ABCC3: variants seen among roughly 807,000 people sequenced by gnomAD.
ABCC3 encodes the protein ATP binding cassette subfamily C member 3.
A neutral mutation model predicts 165.3 loss-of-function variants in ABCC3; 121 were observed. The ratio of observed to expected loss-of-function variants is 0.73; its 90% CI spans 0.63 to 0.85. ABCC3 has a LOEUF of 0.85. ABCC3 is among the 40% of genes least tolerant of loss of function. ABCC3 has a pLI of 0.00. For missense variants in ABCC3, 1,869 were observed against 1,964.1 expected (o/e 0.95, Z 0.92); for synonymous variants, 733 against 810.1 (o/e 0.90, Z 1.62).
chr17:50,643,950 T>G (rs1966940391), intron 1 of ABCC3, among the ~76,000 whole-genome samples: 2 of 151,978 alleles, frequency 1.3e-5, no homozygotes, highest in Admixed American at 1.3e-4. Flanking sequence ...AAAGCTGTAT[T>G]TTGGGAAGAG....
intron 1 of ABCC3, among the ~76,000 whole-genome samples, chr17:50,655,530 G>A (rs531113862): frequency 6.6e-6 from 1 of 152,096 alleles, no homozygotes; most frequent in East Asian, 1.9e-4. Context: ...TTTTGCAGGT[G>A]TATACAACTG....
chr17:50,644,427 C>T (rs1466295289), intron 1 of ABCC3, among the ~76,000 whole-genome samples: 3 of 149,192 alleles, frequency 2.0e-5, no homozygotes, highest in Non-Finnish European at 4.5e-5. Flanking sequence ...GATGCTAGAA[C>T]TTGGCCAGGC....
intron 1 of ABCC3, among the ~76,000 whole-genome samples, chr17:50,653,704 G>A (rs1967161524): frequency 6.7e-6 from 1 of 149,998 alleles, no homozygotes; most frequent in Admixed American, 6.7e-5. Flanking sequence ...AGTGAGCCAA[G>A]ATCACACCAT....
intron 11 of ABCC3, 108 bp downstream of exon 11, chr17:50,665,353 T>C: frequency 3.2e-6 from 3 of 925,722 alleles, no homozygotes; most frequent in South Asian, 2.8e-5. Context: ...TTCCTGAGTA[T>C]GGATGGCTAC....
In ABCC3 at chr17:50,663,723, G is replaced by A. The variant is rs2146614992; in HGVS notation, c.1041G>A (p.Trp347Ter). Residue 347 changes from tryptophan (W) to a stop codon, truncating the protein, a stop_gained, in exon 9 of 31, where the codon TGG (tryptophan) becomes TGA (stop). Coordinates refer to ENST00000285238, the MANE Select transcript of ABCC3 (RefSeq NM_003786.4). LOFTEE classifies it high-confidence loss of function. ...RFISNPMAPSWWGFLVAGLMF... is the reference protein window; with the variant it reads ...RFISNPMAPS ...TCTCCAACCCCATGGCCCCCTCCTG[G>A]TGGGGCTTCCTGGTGGCTGGGCTGA... 1 of 1,614,212 alleles carries A rather than the reference G, an allele frequency of 6.2e-7. No homozygotes were observed. Among genetic ancestry groups the A allele is most frequent in the South Asian group, 1.1e-5 (1 of 91,090 alleles).
At chr17:50,672,885 AT>A in intron 17 of ABCC3, 85 bp from the exon 18 acceptor site, 2 of 1,308,004 alleles carry the variant, frequency 1.5e-6, no homozygotes, top group South Asian at 1.4e-5. Context: ...AAAAAAAAAA[AT>A]CTGCCATCCC....
intron 18 of ABCC3, 62 bp from the exon 19 acceptor site, chr17:50,673,407 G>A (rs922619527): frequency 1.6e-5 from 25 of 1,574,204 alleles, no homozygotes; most frequent in Admixed American, 6.9e-5. Context: ...CTGTGGCTCC[G>A]TGCCTGTGCC....
chr17:50,677,998 C>G (rs1967858117), intron 24 of ABCC3, 55 bp downstream of exon 24: 1 of 1,613,922 alleles, frequency 6.2e-7, no homozygotes, highest in Non-Finnish European at 8.5e-7. Context: ...AGCAGGCTCT[C>G]TGGTGTTCAG....
Position 50,660,924 on chromosome 17 carries a change from C to T in ABCC3, c.808C>T (p.His270Tyr). Residue 270 changes from histidine to tyrosine, a missense_variant and splice_region_variant, in exon 8 of 31, where the codon CAC becomes TAC. Transcript: ENST00000285238. The part of the protein sequence containing the change: ...WRKQEKQTAR[H>Y]KASAAPGKNA... The stretch of plus-strand genomic sequence containing the variant: ...ACTGCTCCTTCCTCCCTGGACCAGA[C>T]ACAAGGCTTCAGCAGCACCTGGGAA... 1 of 1,594,704 alleles carries T rather than the reference C, an allele frequency of 6.3e-7. No individual in the cohort carries two copies. The highest frequency in any genetic ancestry group is 8.5e-7 in the Non-Finnish European group (1 of 1,171,166).
At chr17:50,639,099 TC>T (rs1401673990) in intron 1 of ABCC3, among the ~76,000 whole-genome samples, 1 of 152,170 alleles carries the variant, frequency 6.6e-6, no homozygotes, top group Admixed American at 6.5e-5. Flanking sequence ...GTCCTGCACA[TC>T]CATGGGGAAG....
At chr17:50,676,192 C>G (rs1967802024) in intron 22 of ABCC3, 86 bp from the exon 23 acceptor site, 1 of 1,589,346 alleles carries the variant, frequency 6.3e-7, no homozygotes, top group African/African-American at 1.3e-5. Flanking sequence ...CCCTAACCCA[C>G]TCTGGTCAAC....
intron 11 of ABCC3, among the ~76,000 whole-genome samples, chr17:50,667,324 C>T (rs1967545087): frequency 6.6e-6 from 1 of 152,094 alleles, no homozygotes; most frequent in Non-Finnish European, 1.5e-5. Context: ...GAGGCCGGTG[C>T]AGTGGCACTG....
At chr17:50,644,011 G>A (rs1966942384) in intron 1 of ABCC3, among the ~76,000 whole-genome samples, 1 of 152,134 alleles carries the variant, frequency 6.6e-6, no homozygotes, top group South Asian at 2.1e-4. Context: ...TGCCCCAGAT[G>A]GGATTAAGAA....
rs778795228 is a variant in ABCC3 at position 50,661,044 on chromosome 17, A to T, written c.928A>T (p.Ser310Cys). The change falls in exon 8 of 31, where the codon AGC (serine) becomes TGC (cysteine). Residue 310 changes from serine to cysteine, a missense_variant. Transcript: ENST00000285238. Reference sequence around the variant, plus strand: ...GGCCCTGCTGGCCACCTTCGGCTCCAGCTTCCTCATCAGTGCCTGCTTCAA... The same window carrying T: ...GGCCCTGCTGGCCACCTTCGGCTCCTGCTTCCTCATCAGTGCCTGCTTCAA... ...LKALLATFGS[S>C]FLISACFKLI... The T allele has an allele frequency of 6.2e-7, 1 of 1,614,218 alleles. No homozygotes were observed. The highest frequency in any genetic ancestry group is 1.7e-5 in the Admixed American group (1 of 60,022).
chr17:50,673,314 T>A, intron 18 of ABCC3, 155 bp from the exon 19 acceptor site: 1 of 1,239,688 alleles, frequency 8.1e-7, no homozygotes, highest in Non-Finnish European at 1.1e-6. Flanking sequence ...TGCGAGGTTC[T>A]GAGCAGGCTG....
intron 1 of ABCC3, 200 bp downstream of exon 1, chr17:50,635,181 G>T (rs1311916813): frequency 1.8e-6 from 1 of 570,050 alleles, no homozygotes; most frequent in Non-Finnish European, 2.9e-6. Context: ...CGCGGTGTCG[G>T]GGACCTGCCC....
chr17:50,646,465 G>A (rs1967003920), intron 1 of ABCC3, among the ~76,000 whole-genome samples: 1 of 152,174 alleles, frequency 6.6e-6, no homozygotes, highest in African/African-American at 2.4e-5. Context: ...GAGCTGGAGA[G>A]ATAGACTTGA....
chr17:50,677,367 A>T (rs1489645768), intron 23 of ABCC3, among the ~76,000 whole-genome samples: 1 of 152,208 alleles, frequency 6.6e-6, no homozygotes, highest in Non-Finnish European at 1.5e-5. Flanking sequence ...GTAATGAATT[A>T]GTCAGTTCCC....
intron 1 of ABCC3, chr17:50,635,605 C>T (rs969303397): frequency 2.1e-5 from 15 of 702,548 alleles, no homozygotes; most frequent in Admixed American, 4.0e-5. Flanking sequence ...GAGACAGGTG[C>T]AGGGTGTCAG....
Sources: allele counts gnomAD v4.1 joint callset (sites outside exome capture counted in the v4.1 genomes callset), GRCh38; gene constraint gnomAD v4.1.1; transcripts MANE v1.5; gene names NCBI Gene and HGNC (gene_info 2026-07-23, HGNC 2026-07-21).